CEACAM20: variants seen among roughly 807,000 people sequenced by gnomAD.
The protein encoded by CEACAM20 is CEA cell adhesion molecule 20.
A neutral mutation model predicts 61.2 loss-of-function variants in CEACAM20; 50 were observed. That is an observed-to-expected ratio of 0.82 (90% CI 0.65 to 1.03). CEACAM20 has a LOEUF of 1.03. Ranked by LOEUF, CEACAM20 falls within the 50% of genes least tolerant of loss-of-function variation. The pLI, the probability that CEACAM20 is intolerant of heterozygous loss-of-function variation, is 0.00. For missense variants in CEACAM20, 683 were observed against 736.4 expected (o/e 0.93, Z 0.84); for synonymous variants, 282 against 287.7 (o/e 0.98, Z 0.20).
intron 4 of CEACAM20, 110 bp from the exon 5 acceptor site, chr19:44,520,862 G>C: frequency 9.6e-7 from 1 of 1,046,814 alleles, no homozygotes. Flanking sequence ...GTGTGTGTGT[G>C]TGTGTGTTAC....
chr19:44,517,449 G>C (rs1971199634), intron 5 of CEACAM20, among the ~76,000 whole-genome samples: 1 of 152,124 alleles, frequency 6.6e-6, no homozygotes, highest in Admixed American at 6.5e-5. Flanking sequence ...ATTAATCCCA[G>C]CACTTTGGAA....
intron 1 of CEACAM20, among the ~76,000 whole-genome samples, chr19:44,528,676 A>G (rs779499423): frequency 9.8e-6 from 1 of 101,748 alleles, no homozygotes; most frequent in Non-Finnish European, 1.8e-5. Flanking sequence ...TTCTCTGTGT[A>G]CACAGACACA....
rs1370402340 is a variant in CEACAM20, at chr19:44,517,067, G to A, written c.1188C>T (p.His396=). ...RWTLEHSTGE[H]LGEQLIIRAL... is the part of the protein sequence containing the mutation. Reference sequence around the variant, plus strand: ...CCCTGATAATCAGCTGCTCACCCAGGTGCTCCCCGGTGGAGTGTTCAAGAG... The same window carrying A: ...CCCTGATAATCAGCTGCTCACCCAGATGCTCCCCGGTGGAGTGTTCAAGAG... The change falls in exon 6 of 12, where the codon CAC becomes CAT. Residue 396 remains histidine, a synonymous_variant. Coordinates refer to ENST00000614924, the MANE Select transcript of CEACAM20 (RefSeq NM_001102597.3). 5 of 1,607,026 alleles carry A rather than the reference G, an allele frequency of 3.1e-6. No homozygotes were observed. The East Asian group carries it at 9.0e-5, about 29-fold the overall frequency.
intron 11 of CEACAM20, among the ~76,000 whole-genome samples, chr19:44,507,871 G>A (rs887524016): frequency 1.3e-5 from 2 of 152,050 alleles, no homozygotes; most frequent in Non-Finnish European, 2.9e-5. Context: ...ACACAACCTG[G>A]GTGAAAGAGC....
intron 6 of CEACAM20, among the ~76,000 whole-genome samples, chr19:44,515,526 T>C (rs1445622514): frequency 6.6e-6 from 1 of 152,034 alleles, no homozygotes; most frequent in African/African-American, 2.4e-5. Context: ...AGGATTTGAG[T>C]CTATAGGTCT....
At chr19:44,528,504 G>C (rs974505881) in intron 1 of CEACAM20, among the ~76,000 whole-genome samples, 5 of 152,070 alleles carry the variant, frequency 3.3e-5, no homozygotes, top group Non-Finnish European at 7.4e-5. Context: ...GATTACAGGC[G>C]TGAGCCACTG....
At chr19:44,514,822 A>T (rs896238542) in intron 6 of CEACAM20, among the ~76,000 whole-genome samples, 8 of 150,374 alleles carry the variant, frequency 5.3e-5, no homozygotes, top group South Asian at 2.1e-4. Flanking sequence ...ACTTTTTAAA[A>T]TTTTTTTTAA....
chr19:44,524,047 T>A lies in CEACAM20; in HGVS notation c.411A>T (p.Gln137His), dbSNP rs1283798846. ...TCAGAAGGGCATCTCGAGCTTCACA[T>A]TGGTAAGTCCCTGAGTCCTCCCGCT... is the stretch of plus-strand genomic sequence containing the variant. ...IVQREDSGTY[Q>H]CEARDALLSQ... Residue 137 changes from glutamine (Q) to histidine (H), a missense_variant, in exon 3 of 12, where the codon CAA becomes CAT. Gln to His is a conservative substitution (Grantham distance 24). Coordinates refer to ENST00000614924, the MANE Select transcript of CEACAM20 (RefSeq NM_001102597.3). 1.9e-6 allele frequency: 3 copies of A among 1,563,544 alleles called. No individual in the cohort carries two copies. The highest frequency in any genetic ancestry group is 2.6e-6 in the Non-Finnish European group (3 of 1,153,040).
intron 11 of CEACAM20, among the ~76,000 whole-genome samples, chr19:44,510,536 G>A (rs187926311): frequency 0.015 from 779 of 53,540 alleles, 14 homozygotes; most frequent in African/African-American, 0.039. Context: ...AAGATGAAAG[G>A]AAGGAAGGAA....
At chr19:44,523,031 A>G in intron 3 of CEACAM20, 119 bp from the exon 4 acceptor site, 2 of 864,970 alleles carry the variant, frequency 2.3e-6, no homozygotes, top group Non-Finnish European at 3.6e-6. Context: ...AGGCTAGATC[A>G]ATTGCAAACG....
In CEACAM20 at chr19:44,511,042, C is replaced by T. The variant is rs771267427; in HGVS notation, c.1725G>A (p.Glu575=). 2 of 1,613,988 alleles carry T rather than the reference C, an allele frequency of 1.2e-6. No homozygotes were observed. Among genetic ancestry groups the T allele is most frequent in the Non-Finnish European group, 8.5e-7 (1 of 1,179,874 alleles). The change falls in exon 11 of 12, where the codon GAG becomes GAA. Residue 575 remains glutamate (E), a synonymous_variant. Transcript: ENST00000614924. ...RLVSTVPKNM[E]SIYEELVNPE... is the part of the protein sequence containing the mutation. ...GGCATAAACATACCTCATAGATTGACTCCATGTTTTTTGGCACAGTGGAGA... is the reference window on the plus strand; with the variant it reads ...GGCATAAACATACCTCATAGATTGATTCCATGTTTTTTGGCACAGTGGAGA...
At chr19:44,525,347 C>T in intron 1 of CEACAM20, 103 bp from the exon 2 acceptor site, 2 of 1,110,098 alleles carry the variant, frequency 1.8e-6, no homozygotes, top group Non-Finnish European at 1.3e-6. Context: ...ATAGGACTGG[C>T]ATTCCACCCA....
intron 4 of CEACAM20, among the ~76,000 whole-genome samples, chr19:44,521,276 G>A (rs1971358450): frequency 6.6e-6 from 1 of 152,076 alleles, no homozygotes; most frequent in Non-Finnish European, 1.5e-5. Context: ...TGACTGTATG[G>A]TATATGGTGT....
At chr19:44,510,961 G>A in intron 11 of CEACAM20, 69 bp downstream of exon 11, 3 of 1,595,756 alleles carry the variant, frequency 1.9e-6, no homozygotes, top group East Asian at 2.2e-5. Flanking sequence ...AGACTCTTTA[G>A]TAGGGAAGAA....
rs746370810 is a variant in CEACAM20, at chr19:44,524,125, A to G, written c.333T>C (p.His111=). 8 of 1,612,232 alleles carry G rather than the reference A, an allele frequency of 5.0e-6. No homozygotes were observed. Among genetic ancestry groups the G allele is most frequent in the South Asian group, 1.1e-5 (1 of 90,568 alleles). The change falls in exon 3 of 12, where the codon CAT becomes CAC. Residue 111 remains histidine (H), a synonymous_variant. Coordinates refer to ENST00000614924, the MANE Select transcript of CEACAM20 (RefSeq NM_001102597.3). ...CATCCTTGGACAGCTGCATGCGCTCATGGAACACAATGGAGAGGTTGTTGG... is the reference window on the plus strand; with the variant it reads ...CATCCTTGGACAGCTGCATGCGCTCGTGGAACACAATGGAGAGGTTGTTGG... The part of the protein sequence containing the change: ...WVSNNLSIVF[H]ERMQLSKDGK...
chr19:44,512,167 G>T (rs1050938466), intron 8 of CEACAM20, 89 bp from the exon 9 acceptor site: 2 of 958,952 alleles, frequency 2.1e-6, no homozygotes, highest in Non-Finnish European at 3.3e-6. Flanking sequence ...ACCCCAGGAA[G>T]GAAGTGCAGA....
Position 44,520,709 on chromosome 19 carries a change from A to G in CEACAM20, c.795T>C (p.Leu265=). Residue 265 remains leucine, a synonymous_variant, in exon 5 of 12, where the codon CTT becomes CTC. Coordinates refer to ENST00000614924, the MANE Select transcript of CEACAM20 (RefSeq NM_001102597.3). ...GGTCCACAGACCTAGCATTCTCCAC[A>G]AGGTTCAGGCTTGAAGGCACGACTT... The part of the protein sequence containing the change: ...MPQVVPSSLN[L]VENARSVDLT... The G allele has an allele frequency of 6.2e-7, 1 of 1,613,936 alleles. No individual in the cohort carries two copies.
At position 44,506,692 on chromosome 19, in the gene CEACAM20, G is replaced by T. The variant is rs562682636; in HGVS notation, c.1738-478C>A. On this transcript the variant is annotated intron_variant, in intron 11 of 11. Transcript: ENST00000614924. ...CTCCAGCTGACAGTAAGAAACTGAG[G>T]CCCTCATTATGACAGCCTGCAAGGA... is the stretch of plus-strand genomic sequence containing the variant. 1.6e-4 allele frequency among the ~76,000 whole-genome samples: 24 copies of T among 152,300 alleles called. No homozygotes were observed. In the East Asian group the frequency reaches 4.6e-3, roughly 29 times the overall value.
At chr19:44,508,672 G>C (rs564865237) in intron 11 of CEACAM20, among the ~76,000 whole-genome samples, 5 of 152,276 alleles carry the variant, frequency 3.3e-5, no homozygotes, top group Admixed American at 2.0e-4. Context: ...TTACAGGCGT[G>C]AGCCACCGCG....
Sources: allele counts gnomAD v4.1 joint callset (sites outside exome capture counted in the v4.1 genomes callset), GRCh38; gene constraint gnomAD v4.1.1; transcripts MANE v1.5; gene names NCBI Gene and HGNC (gene_info 2026-07-23, HGNC 2026-07-21).